TBX18: variants seen among roughly 807,000 people sequenced by gnomAD.
TBX18 encodes T-box transcription factor TBX18.
TBX18 carries 21 observed loss-of-function variants against 55.0 expected under a neutral mutation model. The observed-to-expected ratio is 0.38, with a 90% CI of 0.27 to 0.55. The LOEUF is 0.55. Among genes scored for constraint, TBX18 ranks in the 20% least tolerant of loss-of-function variants. The probability of loss-of-function intolerance (pLI) is 0.73; values close to 1 mark genes in which losing one functional copy is unlikely to be tolerated. For synonymous variants in TBX18, 342 were observed against 326.1 expected, an observed-to-expected ratio of 1.05 and a Z score of -0.53; for missense variants, 840 against 799.6, an observed-to-expected ratio of 1.05 and a Z score of -0.61.
At chr6:84,750,264 A>C (rs9344424) in intron 4 of TBX18, among the ~76,000 whole-genome samples, 97,591 of 147,658 alleles carry the variant, frequency 0.66, 32,740 homozygotes, top group African/African-American at 0.77. Flanking sequence ...CAGCCTGGTG[A>C]CAGAGCGAGA....
intron 4 of TBX18, among the ~76,000 whole-genome samples, chr6:84,748,726 T>C (rs1425442965): frequency 6.6e-6 from 1 of 152,224 alleles, no homozygotes; most frequent in Non-Finnish European, 1.5e-5. Context: ...TGGGGAAATC[T>C]GATAATATGG....
rs1204703515 is a variant in TBX18, at chr6:84,734,447, TA to T, written c.*2237del. The T allele has an allele frequency of 1.1e-4, 17 of 152,438 alleles. No individual in the cohort carries two copies. The highest frequency in any genetic ancestry group is 3.3e-4 in the Admixed American group (5 of 15,278). 9.4% of individuals were successfully genotyped at this position (152,438 alleles called of 1,614,324 possible). The stretch of plus-strand genomic sequence containing the variant: ...TACCCTCCAAAATCATAAAAGGGTT[TA>T]ATAACATATTTTAATATAATTTTAA... On this transcript the variant is annotated 3_prime_UTR_variant, in exon 8 of 8. Coordinates refer to ENST00000369663, the MANE Select transcript of TBX18 (RefSeq NM_001080508.3).
intron 1 of TBX18, chr6:84,763,193 C>T (rs1337750192): frequency 8.4e-6 from 3 of 357,794 alleles, no homozygotes; most frequent in African/African-American, 2.1e-5. Flanking sequence ...ACTCTGGTCC[C>T]AAGAGCCTGG....
At chr6:84,756,271 CA>C (rs1767484360) in intron 4 of TBX18, among the ~76,000 whole-genome samples, 1 of 152,204 alleles carries the variant, frequency 6.6e-6, no homozygotes, top group Non-Finnish European at 1.5e-5. Context: ...ATGGAACACA[CA>C]AACAGCATAA....
rs1393259532 is a variant in TBX18 at position 84,736,557 on chromosome 6, A to G, written c.*128T>C. ...TCACCATGATAAAGTCAAAAAACCC[A>G]GTGAGCCTTCATTTTCTATTATATG... On this transcript the variant is annotated 3_prime_UTR_variant, in exon 8 of 8. Coordinates refer to ENST00000369663, the MANE Select transcript of TBX18 (RefSeq NM_001080508.3). The G allele has an allele frequency of 8.8e-7, 1 of 1,131,312 alleles. No individual in the cohort carries two copies. The highest frequency in any genetic ancestry group is 1.6e-5 in the African/African-American group (1 of 62,216). The allele number at this position is 1,131,312 out of a possible 1,614,324, so 70.1% of individuals were successfully genotyped here.
At chr6:84,760,183 A>T in intron 3 of TBX18, 72 bp downstream of exon 3, 1 of 895,242 alleles carries the variant, frequency 1.1e-6, no homozygotes, top group Non-Finnish European at 1.6e-6. Context: ...CAGTCCTCAC[A>T]GATCAAACAG....
intron 7 of TBX18, 100 bp from the exon 8 acceptor site, chr6:84,737,509 T>G: frequency 3.0e-6 from 4 of 1,321,718 alleles, no homozygotes; most frequent in Non-Finnish European, 4.0e-6. Context: ...AGGCAAGGGT[T>G]GGAGGAATGC....
chr6:84,760,955 A>G (rs1165935462), intron 2 of TBX18, among the ~76,000 whole-genome samples: 2 of 152,086 alleles, frequency 1.3e-5, no homozygotes, highest in African/African-American at 2.4e-5. Context: ...CACAACGTAT[A>G]TTTACCAAAT....
rs747606372 is a variant in TBX18 at position 84,763,998 on chromosome 6, C to T, written c.184G>A (p.Gly62Ser). 6 of 1,563,284 alleles carry T rather than the reference C, an allele frequency of 3.8e-6. No individual in the cohort carries two copies. In the South Asian group the frequency reaches 4.6e-5, roughly 12 times the overall value. ...DGGCSRGGGA[G>S]EKGSSEGDEG... ...TCTCCCTCAGAAGAACCCTTTTCGCCCGCGCCGCCGCCGCGGCTGCAGCCT... is the reference window on the plus strand; with the variant it reads ...TCTCCCTCAGAAGAACCCTTTTCGCTCGCGCCGCCGCCGCGGCTGCAGCCT... The change falls in exon 1 of 8, where the codon GGC becomes AGC. Residue 62 changes from glycine (G) to serine (S), a missense_variant. Gly to Ser is a moderately conservative substitution (Grantham distance 56). Coordinates refer to ENST00000369663, the MANE Select transcript of TBX18 (RefSeq NM_001080508.3).
chr6:84,746,213 T>TAG (rs1767180462), intron 5 of TBX18, among the ~76,000 whole-genome samples: 1 of 151,936 alleles, frequency 6.6e-6, no homozygotes, highest in Non-Finnish European at 1.5e-5. Context: ...AAGTGCACAG[T>TAG]TAATTTGTGT....
Position 84,741,959 on chromosome 6 carries a change from C to A in TBX18, c.1004+2302G>T, listed in dbSNP as rs146884913. On this transcript the variant is annotated intron_variant, in intron 6 of 7. Transcript: ENST00000369663. Reference sequence around the variant, plus strand: ...CAAATGTGTCTTTTGCATTTGTCAACGGAAAATGTTACAATCAGATTTTTA... The same window carrying A: ...CAAATGTGTCTTTTGCATTTGTCAAAGGAAAATGTTACAATCAGATTTTTA... 1.2e-4 allele frequency: 18 copies of A among 152,056 alleles called. 1 individual carries two copies. In the East Asian group the frequency reaches 3.5e-3, roughly 29 times the overall value. 9.4% of individuals were successfully genotyped at this position (152,056 alleles called of 1,614,324 possible).
chr6:84,736,638 G>A lies in TBX18; in HGVS notation c.*47C>T. The A allele has an allele frequency of 6.9e-7, 1 of 1,451,652 alleles. No homozygotes were observed. Among genetic ancestry groups the A allele is most frequent in the East Asian group, 2.5e-5 (1 of 40,042 alleles). The allele number at this position is 1,451,652 out of a possible 1,614,324, so 89.9% of individuals were successfully genotyped here. ...CCACATAGCTTTTAAAAAAGAAAAA[G>A]AAAATATGTTAGACAGATCCAAATG... is the stretch of plus-strand genomic sequence containing the variant. On this transcript the variant is annotated 3_prime_UTR_variant, in exon 8 of 8. Coordinates refer to ENST00000369663, the MANE Select transcript of TBX18 (RefSeq NM_001080508.3).
rs996054969 is a variant in TBX18, at chr6:84,737,245, G to C, written c.1264C>G (p.Arg422Gly). The change falls in exon 8 of 8, where the codon CGC becomes GGC. Residue 422 changes from arginine to glycine, a missense_variant. Transcript: ENST00000369663. The part of the protein sequence containing the change: ...LAPADYSACA[R>G]SGLTLNRYST... ...TATCGGTTGAGGGTGAGGCCTGAGC[G>C]GGCACAGGCAGAATAGTCAGCAGGG... 5.0e-6 allele frequency: 8 copies of C among 1,608,662 alleles called. No homozygotes were observed. Among genetic ancestry groups the C allele is most frequent in the Non-Finnish European group, 5.9e-6 (7 of 1,177,050 alleles).
intron 4 of TBX18, among the ~76,000 whole-genome samples, chr6:84,751,081 A>C (rs989229016): frequency 7.9e-5 from 12 of 152,368 alleles, no homozygotes; most frequent in African/African-American, 2.6e-4. Context: ...GAGAATTAGC[A>C]TATCTTTTAG....
At chr6:84,762,778 T>C (rs1562268542) in intron 1 of TBX18, 30 bp from the exon 2 acceptor site, 11 of 1,566,236 alleles carry the variant, frequency 7.0e-6, no homozygotes, top group Non-Finnish European at 8.7e-6. Flanking sequence ...GAAAGGGAAC[T>C]GGTGAGGGAA....
At chr6:84,743,183 T>A (rs1171248088) in intron 6 of TBX18, among the ~76,000 whole-genome samples, 1 of 152,218 alleles carries the variant, frequency 6.6e-6, no homozygotes. Flanking sequence ...TGAAGGCTAC[T>A]CTACTCTCAG....
At chr6:84,749,681 T>C (rs962534964) in intron 4 of TBX18, among the ~76,000 whole-genome samples, 2 of 151,914 alleles carry the variant, frequency 1.3e-5, no homozygotes, top group African/African-American at 4.8e-5. Flanking sequence ...CTTTCCAGAA[T>C]TCTAGAAATT....
At chr6:84,761,456 C>G (rs933371874) in intron 2 of TBX18, among the ~76,000 whole-genome samples, 1 of 152,134 alleles carries the variant, frequency 6.6e-6, no homozygotes, top group Non-Finnish European at 1.5e-5. Flanking sequence ...TATAAGACAA[C>G]TATTGCTTTG....
At position 84,736,770 on chromosome 6, in the gene TBX18, C is replaced by T. The variant is rs1272918524; in HGVS notation, c.1739G>A (p.Ser580Asn). Residue 580 changes from serine (S) to asparagine (N), a missense_variant, in exon 8 of 8, where the codon AGT becomes AAT. By Grantham distance (46) the Ser-to-Asn change is conservative (BLOSUM62 1). Coordinates refer to ENST00000369663, the MANE Select transcript of TBX18 (RefSeq NM_001080508.3). ...GTCAAAGAAACTCTGCTGACCCCCA[C>T]TGCTAAGCAGGTGCACTCCTTCCAC... ...PPVEGVHLLS[S>N]GGQQSFFDSR... The T allele has an allele frequency of 6.2e-7, 1 of 1,613,946 alleles. No homozygotes were observed. Among genetic ancestry groups the T allele is most frequent in the East Asian group, 2.2e-5 (1 of 44,876 alleles).
Sources: gnomAD v4.1 joint callset for allele counts (sites outside exome capture counted in the v4.1 genomes callset) on GRCh38, gnomAD v4.1.1 for gene constraint, MANE v1.5 for transcripts, NCBI Gene and HGNC (gene_info 2026-07-23, HGNC 2026-07-21) for gene names.